Variants in TMEM74 observed in about 807,000 individuals in gnomAD.
TMEM74 encodes transmembrane protein 74.
In TMEM74, 13 loss-of-function variants were observed where a neutral mutation model predicts 18.1. That is an observed-to-expected ratio of 0.72 (90% CI 0.47 to 1.14). TMEM74 has a LOEUF of 1.14. TMEM74 is among the 50% of genes most tolerant of loss of function. The pLI is 0.00. For missense variants in TMEM74, 372 were observed against 375.9 expected (o/e 0.99, Z 0.09); for synonymous variants, 159 against 146.6 (o/e 1.08, Z -0.61).
At chr8:108,774,555 T>G (rs527961196), downstream of TMEM74, among the ~76,000 whole-genome samples, 10 of 152,300 alleles carry the variant, frequency 6.6e-5, no homozygotes, top group South Asian at 8.3e-4. Context: ...TGTTGGTTTC[T>G]TAACCACTAG....
chr8:108,630,703 G>C (rs1189088594), intron 2 of TMEM74, among the ~76,000 whole-genome samples: 1 of 151,616 alleles, frequency 6.6e-6, no homozygotes, highest in East Asian at 1.9e-4. Context: ...GGAAATAGTG[G>C]GTATTTACTA....
chr8:108,667,467 G>A (rs1812959809), intron 1 of TMEM74, among the ~76,000 whole-genome samples: 1 of 151,990 alleles, frequency 6.6e-6, no homozygotes, highest in Non-Finnish European at 1.5e-5. Flanking sequence ...TCACTAATAG[G>A]AAATAAAAAC....
chr8:108,655,626 T>G (rs965234962), intron 1 of TMEM74, among the ~76,000 whole-genome samples: 4 of 152,166 alleles, frequency 2.6e-5, no homozygotes, highest in Non-Finnish European at 5.9e-5. Flanking sequence ...TCCCCCAAGC[T>G]GCTGGATTCC....
chr8:108,787,375 G>C (rs531793443), intron 1 of TMEM74, 101 bp downstream of exon 1: 1 of 152,234 alleles, frequency 6.6e-6, no homozygotes, highest in Non-Finnish European at 1.5e-5. Flanking sequence ...ACTCGGAGAC[G>C]AAGGAGAGAG....
intron 1 of TMEM74, among the ~76,000 whole-genome samples, chr8:108,679,197 G>T (rs1813087643): frequency 6.6e-6 from 1 of 152,098 alleles, no homozygotes; most frequent in Admixed American, 6.6e-5. Context: ...GAATAGTGCT[G>T]CAATAAACCT....
intron 1 of TMEM74, among the ~76,000 whole-genome samples, chr8:108,698,776 C>T (rs2130613301): frequency 6.6e-6 from 1 of 152,222 alleles, no homozygotes; most frequent in African/African-American, 2.4e-5. Context: ...TTAGTGCTTT[C>T]CAAACTATGG....
intron 1 of TMEM74, among the ~76,000 whole-genome samples, chr8:108,741,964 C>T (rs1304444009): frequency 6.6e-6 from 1 of 152,034 alleles, no homozygotes; most frequent in Non-Finnish European, 1.5e-5. Flanking sequence ...TACTATGCAG[C>T]CATAAAAACG....
At chr8:108,678,848 T>G (rs1028679774) in intron 1 of TMEM74, among the ~76,000 whole-genome samples, 1 of 151,414 alleles carries the variant, frequency 6.6e-6, no homozygotes, top group Non-Finnish European at 1.5e-5. Flanking sequence ...CTGCACCCAT[T>G]AACTCATCAT....
chr8:108,719,619 G>A (rs1312286505), intron 1 of TMEM74, among the ~76,000 whole-genome samples: 1 of 152,022 alleles, frequency 6.6e-6, no homozygotes, highest in East Asian at 1.9e-4. Flanking sequence ...AGAGTAGAAT[G>A]CAAAATATGC....
intron 2 of TMEM74, among the ~76,000 whole-genome samples, chr8:108,651,281 C>T (rs1812772328): frequency 6.6e-6 from 1 of 152,028 alleles, no homozygotes. Flanking sequence ...TTTTTCCTTG[C>T]TAAAGAACTT....
At chr8:108,764,094 C>G (rs1424300449) in intron 1 of TMEM74, among the ~76,000 whole-genome samples, 1 of 152,092 alleles carries the variant, frequency 6.6e-6, no homozygotes, top group Non-Finnish European at 1.5e-5. Context: ...AGAGGGAAAA[C>G]TTGATAGCAT....
chr8:108,698,248 T>C (rs1159991395), intron 1 of TMEM74, among the ~76,000 whole-genome samples: 1 of 152,222 alleles, frequency 6.6e-6, no homozygotes, highest in Non-Finnish European at 1.5e-5. Context: ...CTGTTTGACT[T>C]TCAAGCTCAG....
intron 1 of TMEM74, among the ~76,000 whole-genome samples, chr8:108,747,101 G>A (rs934799307): frequency 6.6e-6 from 1 of 152,130 alleles, no homozygotes; most frequent in African/African-American, 2.4e-5. Flanking sequence ...GCCTGGACTT[G>A]TGATTGGTGC....
At chr8:108,698,240 G>C (rs1421523826) in intron 1 of TMEM74, among the ~76,000 whole-genome samples, 1 of 152,150 alleles carries the variant, frequency 6.6e-6, no homozygotes, top group African/African-American at 2.4e-5. Flanking sequence ...ATTAAAATCT[G>C]TTTGACTTTC....
intron 1 of TMEM74, among the ~76,000 whole-genome samples, chr8:108,665,104 C>T (rs185405183): frequency 6.6e-6 from 1 of 152,098 alleles, no homozygotes; most frequent in East Asian, 1.9e-4. Context: ...TTAGATATAA[C>T]TTACTATGAA....
chr8:108,665,978 T>G (rs545649302), intron 1 of TMEM74, among the ~76,000 whole-genome samples: 4 of 152,304 alleles, frequency 2.6e-5, no homozygotes, highest in South Asian at 4.1e-4. Flanking sequence ...ATATTTTGAT[T>G]TACTTACATT....
chr8:108,761,782 G>C (rs1265429125), intron 1 of TMEM74, among the ~76,000 whole-genome samples: 1 of 152,026 alleles, frequency 6.6e-6, no homozygotes, highest in Non-Finnish European at 1.5e-5. Context: ...CTTTCAAAAA[G>C]CTAGGCAATT....
chr8:108,638,807 G>T (rs1034082497), intron 2 of TMEM74, among the ~76,000 whole-genome samples: 1 of 152,178 alleles, frequency 6.6e-6, no homozygotes, highest in South Asian at 2.1e-4. Context: ...TGGGCTGATC[G>T]CATTAATAGT....
At chr8:108,756,807 AG>A (rs1813980750) in intron 1 of TMEM74, among the ~76,000 whole-genome samples, 1 of 143,854 alleles carries the variant, frequency 7.0e-6, no homozygotes, top group Non-Finnish European at 1.5e-5. Context: ...GGAGGAAGGA[AG>A]GAAGGAAGGA....
Sources: allele counts gnomAD v4.1 joint callset (sites outside exome capture counted in the v4.1 genomes callset), GRCh38; gene constraint gnomAD v4.1.1; transcripts MANE v1.5; gene names NCBI Gene and HGNC (gene_info 2026-07-23, HGNC 2026-07-21).